The following AGXT2 variants were observed in gnomAD, a reference collection of about 807,000 sequenced individuals.
AGXT2 encodes alanine--glyoxylate aminotransferase 2, mitochondrial.
A neutral mutation model predicts 62.5 loss-of-function variants in AGXT2; 61 were observed. The ratio of observed to expected loss-of-function variants is 0.98; its 90% CI spans 0.79 to 1.21. AGXT2 has a LOEUF of 1.21. AGXT2 is among the 50% of genes most tolerant of loss of function. The pLI, the probability that AGXT2 is intolerant of heterozygous loss-of-function variation, is 0.00. For synonymous variants in AGXT2, 243 were observed against 218.7 expected (o/e 1.11, Z -0.98); for missense variants, 666 against 641.5 (o/e 1.04, Z -0.41).
intron 9 of AGXT2, among the ~76,000 whole-genome samples, chr5:35,014,367 C>T (rs1359020463): frequency 7.0e-6 from 1 of 143,432 alleles, no homozygotes; most frequent in African/African-American, 2.6e-5. Context: ...ACAGGAGAAT[C>T]GCTTGAACTC....
rs537640654 is a variant in AGXT2 at position 35,023,597 on chromosome 5, C to T, written c.963+2166G>A. On this transcript the variant is annotated intron_variant, in intron 9 of 13. Transcript: ENST00000231420. ...TGCTGATTTGGAGGCCAAAGTTTAT[C>T]CTTTTTACTGATGTAGCTAATTTCA... Among the ~76,000 whole-genome samples, 89 of 152,290 alleles carry T rather than the reference C, an allele frequency of 5.8e-4. No individual in the cohort carries two copies. The Middle Eastern group carries it at 0.01, about 17-fold the overall frequency.
At chr5:35,032,463 C>G (rs889743440) in intron 7 of AGXT2, among the ~76,000 whole-genome samples, 2 of 152,300 alleles carry the variant, frequency 1.3e-5, no homozygotes, top group Middle Eastern at 3.4e-3. Flanking sequence ...GAATCAAGTA[C>G]CAGCTGATAG....
chr5:35,014,728 T>C (rs1766787368), intron 9 of AGXT2, among the ~76,000 whole-genome samples: 2 of 152,202 alleles, frequency 1.3e-5, no homozygotes, highest in South Asian at 4.1e-4. Flanking sequence ...ATGAGGGTCA[T>C]ACAAATATTA....
intron 9 of AGXT2, among the ~76,000 whole-genome samples, chr5:35,022,393 A>C (rs908475929): frequency 2.6e-5 from 4 of 152,152 alleles, no homozygotes; most frequent in Non-Finnish European, 4.4e-5. Flanking sequence ...CTATGCAGCC[A>C]TAAAAAATGA....
At chr5:35,008,786 A>G (rs1406922273) in intron 12 of AGXT2, among the ~76,000 whole-genome samples, 1 of 152,208 alleles carries the variant, frequency 6.6e-6, no homozygotes, top group Non-Finnish European at 1.5e-5. Context: ...CTTCTAAAGT[A>G]GAATGGTGGT....
intron 8 of AGXT2, 51 bp from the exon 9 acceptor site, chr5:35,025,906 A>C (rs755333397): frequency 6.6e-7 from 1 of 1,512,224 alleles, no homozygotes; most frequent in Non-Finnish European, 9.2e-7. Context: ...CAGCCCTTTC[A>C]AAGTATATAA....
chr5:35,023,973 A>G (rs1430791931), intron 9 of AGXT2, among the ~76,000 whole-genome samples: 2 of 151,958 alleles, frequency 1.3e-5, no homozygotes, highest in East Asian at 3.9e-4. Flanking sequence ...GGCTCATTGC[A>G]ACCTCCACCT....
chr5:35,042,455 A>G (rs1768021448), intron 1 of AGXT2, among the ~76,000 whole-genome samples: 1 of 152,188 alleles, frequency 6.6e-6, no homozygotes, highest in Non-Finnish European at 1.5e-5. Context: ...ATAAACCTGG[A>G]TAATACCTCC....
chr5:35,022,106 A>G (rs1767123765), intron 9 of AGXT2, among the ~76,000 whole-genome samples: 1 of 152,122 alleles, frequency 6.6e-6, no homozygotes, highest in South Asian at 2.1e-4. Context: ...AGAAATAGGA[A>G]CACTTTTACA....
intron 7 of AGXT2, among the ~76,000 whole-genome samples, chr5:35,028,545 G>A (rs1767441308): frequency 7.7e-6 from 1 of 129,156 alleles, no homozygotes; most frequent in South Asian, 2.7e-4. Context: ...AATCACCAAG[G>A]AAGCAGGAAA....
intron 4 of AGXT2, 97 bp from the exon 5 acceptor site, chr5:35,035,413 T>A: frequency 1.0e-6 from 1 of 983,086 alleles, no homozygotes; most frequent in Non-Finnish European, 1.6e-6. Context: ...CCCTGAGTAT[T>A]AAGGAGAGTT....
At chr5:35,014,502 C>T (rs1766775290) in intron 9 of AGXT2, among the ~76,000 whole-genome samples, 1 of 151,390 alleles carries the variant, frequency 6.6e-6, no homozygotes, top group Non-Finnish European at 1.5e-5. Flanking sequence ...TGTTCTCTTC[C>T]CTTTCTTCTT....
chr5:35,035,656 G>T (rs1482366371), intron 4 of AGXT2, among the ~76,000 whole-genome samples: 2 of 152,114 alleles, frequency 1.3e-5, no homozygotes, highest in Non-Finnish European at 2.9e-5. Context: ...CCAAAGGTTG[G>T]GTTTCTTGGC....
At position 35,039,413 on chromosome 5, in the gene AGXT2, C is replaced by T. The variant is rs377297835; in HGVS notation, c.273G>A (p.Gly91=). The part of the protein sequence containing the change: ...YFQKPLLLHQ[G]HMEWLFDAEG... ...CAGCATCAAAGAGCCACTCCATGTG[C>T]CCCTGGTGGAGCAGCAGGGGTTTCT... Residue 91 remains glycine, a synonymous_variant, in exon 3 of 14, where the codon GGG becomes GGA. Transcript: ENST00000231420. 1 of 1,613,926 alleles carries T rather than the reference C, an allele frequency of 6.2e-7. No homozygotes were observed. Among genetic ancestry groups the T allele is most frequent in the Non-Finnish European group, 8.5e-7 (1 of 1,179,908 alleles).
intron 9 of AGXT2, among the ~76,000 whole-genome samples, chr5:35,014,571 T>C (rs1324631000): frequency 6.6e-6 from 1 of 152,006 alleles, no homozygotes; most frequent in Non-Finnish European, 1.5e-5. Flanking sequence ...TGTAGTATCA[T>C]GGACAAAGCG....
intron 1 of AGXT2, among the ~76,000 whole-genome samples, chr5:35,043,672 A>C (rs1267714127): frequency 6.6e-6 from 1 of 152,042 alleles, no homozygotes; most frequent in Non-Finnish European, 1.5e-5. Flanking sequence ...AGCTGGAACC[A>C]TAGGCACCAG....
chr5:35,016,319 T>C (rs1244504005), intron 9 of AGXT2, among the ~76,000 whole-genome samples: 2 of 152,184 alleles, frequency 1.3e-5, no homozygotes, highest in Non-Finnish European at 2.9e-5. Flanking sequence ...GTCTTTTAGG[T>C]TAACTGCTTT....
chr5:35,006,753 G>A (rs986027857), intron 12 of AGXT2, among the ~76,000 whole-genome samples: 1 of 152,160 alleles, frequency 6.6e-6, no homozygotes, highest in African/African-American at 2.4e-5. Context: ...CCAAAGGGCT[G>A]TACCTCCTTA....
intron 9 of AGXT2, among the ~76,000 whole-genome samples, chr5:35,023,227 C>G (rs562219977): frequency 1.3e-5 from 2 of 150,718 alleles, no homozygotes; most frequent in Non-Finnish European, 3.0e-5. Context: ...ATAAATTACC[C>G]AGTCTCAGGT....
Sources: allele counts gnomAD v4.1 joint callset (sites outside exome capture counted in the v4.1 genomes callset), GRCh38; gene constraint gnomAD v4.1.1; transcripts MANE v1.5; gene names NCBI Gene and HGNC (gene_info 2026-07-23, HGNC 2026-07-21).